RUNX1: variants seen among roughly 807,000 people sequenced by gnomAD.
RUNX1 encodes RUNX family transcription factor 1, also known as runt-related transcription factor 1.
RUNX1 carries 19 observed loss-of-function variants against 42.8 expected under a neutral mutation model. The ratio of observed to expected loss-of-function variants is 0.44; its 90% CI spans 0.31 to 0.65. The LOEUF is 0.65. RUNX1 is among the 30% of genes least tolerant of loss of function. The pLI is 0.07. For missense variants in RUNX1, 528 were observed against 672.0 expected (o/e 0.79, Z 2.37); for synonymous variants, 271 against 289.4 (o/e 0.94, Z 0.64).
At chr21:34,811,082 C>G (rs1403154741) in intron 7 of RUNX1, among the ~76,000 whole-genome samples, 1 of 152,228 alleles carries the variant, frequency 6.6e-6, no homozygotes, top group African/African-American at 2.4e-5. Context: ...GTGCCAGCCA[C>G]AACACAGATT....
chr21:34,943,413 T>G (rs1416590470), intron 2 of RUNX1, among the ~76,000 whole-genome samples: 1 of 152,204 alleles, frequency 6.6e-6, no homozygotes, highest in African/African-American at 2.4e-5. Context: ...AAAGGATGCT[T>G]AAAACATTAA....
intron 2 of RUNX1, among the ~76,000 whole-genome samples, chr21:34,982,616 C>T (rs1398785238): frequency 1.3e-5 from 2 of 152,174 alleles, no homozygotes; most frequent in African/African-American, 4.8e-5. Context: ...GTCACCCAGG[C>T]TGGAGTGTAG....
intron 7 of RUNX1, among the ~76,000 whole-genome samples, chr21:34,829,120 T>C (rs2057029569): frequency 6.6e-6 from 1 of 152,186 alleles, no homozygotes; most frequent in South Asian, 2.1e-4. Flanking sequence ...GTGAATGTGG[T>C]AGAAACTAAG....
intron 6 of RUNX1, among the ~76,000 whole-genome samples, chr21:34,844,852 C>T (rs1461057903): frequency 2.0e-5 from 3 of 152,228 alleles, no homozygotes; most frequent in Non-Finnish European, 4.4e-5. Flanking sequence ...AGCCCTTGGA[C>T]AGATGGCTGA....
intron 2 of RUNX1, among the ~76,000 whole-genome samples, chr21:35,037,973 G>A (rs1217171319): frequency 1.3e-5 from 2 of 151,556 alleles, no homozygotes; most frequent in Non-Finnish European, 2.9e-5. Flanking sequence ...AACAGCTTCG[G>A]GGCCACGTTC....
Position 34,792,309 on chromosome 21 carries a change from G to GGGGGGGGCCCC in RUNX1, c.1268_1269insGGGGCCCCCCC (p.Ser424GlyfsTer174). ...AGGGCGGCAGGATGCGCGGCGGCGA[G>GGGGGGGGCCCC]CGCTCGCCGCCCACCATGGAGAACT... On this transcript the variant is annotated frameshift_variant, in exon 9 of 9. Transcript: ENST00000675419. LOFTEE classifies it high-confidence loss of function. This position sits in a 1 kb window ranked among gnomAD's most constrained non-coding sequence, Gnocchi z 6.9. 1.3e-6 allele frequency: 2 copies of GGGGGGGGCCCC among 1,542,482 alleles called. No homozygotes were observed. The highest frequency in any genetic ancestry group is 1.7e-6 in the Non-Finnish European group (2 of 1,145,402).
intron 5 of RUNX1, among the ~76,000 whole-genome samples, chr21:34,867,333 G>C (rs1480920815): frequency 6.6e-6 from 1 of 152,190 alleles, no homozygotes; most frequent in African/African-American, 2.4e-5. Flanking sequence ...CCAGCTACTT[G>C]GGAGGCTGAG....
chr21:34,924,912 G>A, intron 2 of RUNX1, among the ~76,000 whole-genome samples: 1 of 151,910 alleles, frequency 6.6e-6, no homozygotes, highest in East Asian at 1.9e-4. Flanking sequence ...GTGAGAGAGA[G>A]GAGGCAAGCT....
chr21:34,959,038 T>C (rs1249045954), intron 2 of RUNX1, among the ~76,000 whole-genome samples: 1 of 139,422 alleles, frequency 7.2e-6, no homozygotes, highest in Non-Finnish European at 1.5e-5. Context: ...CATCACACTC[T>C]GGGGACTGTT....
At position 34,973,672 on chromosome 21, in the gene RUNX1, A is replaced by G. The variant is rs545109630; in HGVS notation, c.58+75170T>C. On this transcript the variant is annotated intron_variant, in intron 2 of 8. Transcript: ENST00000675419. Reference sequence around the variant, plus strand: ...AAGAGAACAACACAAACCTCCCTCCATGTCATAGAAAACTCAGTTTGGAGA... The same window carrying G: ...AAGAGAACAACACAAACCTCCCTCCGTGTCATAGAAAACTCAGTTTGGAGA... Among the ~76,000 whole-genome samples, 3 of 152,194 alleles carry G rather than the reference A, an allele frequency of 2.0e-5. No individual in the cohort carries two copies. In the East Asian group the frequency reaches 5.8e-4, roughly 29 times the overall value.
intron 6 of RUNX1, among the ~76,000 whole-genome samples, chr21:34,853,605 T>C (rs1286588228): frequency 1.3e-5 from 2 of 152,224 alleles, no homozygotes; most frequent in South Asian, 2.1e-4. Flanking sequence ...TTGAAGATTA[T>C]ATAAATTAAT....
At chr21:34,798,919 A>G (rs1169011150) in intron 8 of RUNX1, among the ~76,000 whole-genome samples, 3 of 151,976 alleles carry the variant, frequency 2.0e-5, no homozygotes, top group Non-Finnish European at 4.4e-5. Flanking sequence ...TGTCCATGTG[A>G]TCTGTGAAAA....
At chr21:34,883,940 T>C (rs529060673) in intron 4 of RUNX1, among the ~76,000 whole-genome samples, 62 of 152,358 alleles carry the variant, frequency 4.1e-4, no homozygotes, top group African/African-American at 1.2e-3. Flanking sequence ...GACAAAAATA[T>C]TACTTATTTC....
In RUNX1 at chr21:34,904,293, G is replaced by C. The variant is rs193224001; in HGVS notation, c.59-11330C>G. Among the ~76,000 whole-genome samples, 129 of 152,236 alleles carry C rather than the reference G, an allele frequency of 8.5e-4. 3 individuals are homozygous for C. Among genetic ancestry groups the C allele is most frequent in the African/African-American group, 3.0e-3 (126 of 41,550 alleles). ...TCTTTTTGAAAGGTAGAGAGAAAGAGTGGAAAGATTTTTTTAATAAAATTA... is the reference window on the plus strand; with the variant it reads ...TCTTTTTGAAAGGTAGAGAGAAAGACTGGAAAGATTTTTTTAATAAAATTA... On this transcript the variant is annotated intron_variant, in intron 2 of 8. Transcript: ENST00000675419.
intron 7 of RUNX1, chr21:34,821,681 GGTGCT>G (rs1316302926): frequency 6.3e-7 from 1 of 1,575,340 alleles, no homozygotes; most frequent in Non-Finnish European, 8.6e-7. Flanking sequence ...ACATCTCCAG[GGTGCT>G]GTGTCTTCCT....
At chr21:34,831,553 G>A (rs1240267318) in intron 7 of RUNX1, among the ~76,000 whole-genome samples, 1 of 152,092 alleles carries the variant, frequency 6.6e-6, no homozygotes, top group Non-Finnish European at 1.5e-5. Flanking sequence ...CGGCAAGCTC[G>A]CCAAACCCCC....
At chr21:34,822,374 T>C (rs895018080) in intron 7 of RUNX1, among the ~76,000 whole-genome samples, 5 of 152,270 alleles carry the variant, frequency 3.3e-5, no homozygotes, top group African/African-American at 1.2e-4. Context: ...ATCATTATTT[T>C]ATTACTCCCT....
At chr21:35,022,184 A>T (rs960192116) in intron 2 of RUNX1, among the ~76,000 whole-genome samples, 1 of 152,186 alleles carries the variant, frequency 6.6e-6, no homozygotes, top group Non-Finnish European at 1.5e-5. Context: ...TCCGTGGTTT[A>T]CCAGCAGCAC....
rs1267161613 is a variant in RUNX1, at chr21:34,791,164, G to A, written c.*971C>T. Reference sequence around the variant, plus strand: ...CTCACTTGTTTGATTAACATGAAAGGGAGTTTAATGTAAACAATACTTCTG... The same window carrying A: ...CTCACTTGTTTGATTAACATGAAAGAGAGTTTAATGTAAACAATACTTCTG... On this transcript the variant is annotated 3_prime_UTR_variant, in exon 9 of 9. Transcript: ENST00000675419. The A allele has an allele frequency of 3.9e-5, 9 of 233,348 alleles. No homozygotes were observed. Among genetic ancestry groups the A allele is most frequent in the Admixed American group, 1.7e-4 (3 of 17,762 alleles). The allele number at this position is 233,348 out of a possible 1,614,324, so 14.5% of individuals were successfully genotyped here. A position where few individuals can be genotyped will look rare whatever the true frequency, so the allele number is the denominator to read the frequency against.
Sources: allele counts gnomAD v4.1 joint callset (sites outside exome capture counted in the v4.1 genomes callset), GRCh38; gene constraint gnomAD v4.1.1; non-coding constraint Gnocchi (gnomAD v3.1); transcripts MANE v1.5; gene names NCBI Gene and HGNC (gene_info 2026-07-23, HGNC 2026-07-21).